SEM1: variants seen among roughly 807,000 people sequenced by gnomAD.
SEM1 encodes SEM1 26S proteasome subunit.
Under a neutral mutation model 12.7 loss-of-function variants are expected in SEM1, and 3 were observed. The ratio of observed to expected loss-of-function variants is 0.24; its 90% CI spans 0.11 to 0.61. The LOEUF (loss-of-function observed/expected upper bound fraction) is 0.61, where lower values mean the gene tolerates loss of function less well. SEM1 is among the 20% of genes least tolerant of loss of function. The pLI, the probability that SEM1 is intolerant of heterozygous loss-of-function variation, is 0.88. For missense variants in SEM1, 59 were observed against 81.3 expected (o/e 0.73, Z 1.06); for synonymous variants, 30 against 27.8 (o/e 1.08, Z -0.25).
chr7:96,552,070 G>C lies in SEM1; in HGVS notation c.171-45372C>G, dbSNP rs143425154. Among the ~76,000 whole-genome samples the C allele has an allele frequency of 5.5e-3, 844 of 152,298 alleles. 10 individuals carry two copies. The highest frequency in any genetic ancestry group is 0.019 in the African/African-American group (806 of 41,560). ...AGGAATGGTCCAGTGCCAGCACTCT[G>C]TCATGTTCGTCATTAGTGGGGAGTA... On this transcript the variant is annotated intron_variant and NMD_transcript_variant, in intron 2 of 3. Coordinates refer to the SEM1 transcript ENST00000466986.
At chr7:96,643,121 G>C (rs1457439329) in intron 2 of SEM1, among the ~76,000 whole-genome samples, 1 of 151,826 alleles carries the variant, frequency 6.6e-6, no homozygotes, top group Non-Finnish European at 1.5e-5. Flanking sequence ...ACCTCCAATA[G>C]GTCCCAGTGT....
intron 2 of SEM1, among the ~76,000 whole-genome samples, chr7:96,608,005 T>C (rs1807436617): frequency 6.6e-6 from 1 of 152,166 alleles, no homozygotes. Flanking sequence ...GGTGTACTTA[T>C]AAAAGTATTG....
At chr7:96,650,543 A>G (rs752713252) in intron 2 of SEM1, 1 of 743,922 alleles carries the variant, frequency 1.3e-6, no homozygotes, top group Admixed American at 1.8e-5. Flanking sequence ...GGAGAGAAAG[A>G]TAAGAAATTC....
At chr7:96,615,241 C>CTT (rs60940244) in intron 2 of SEM1, among the ~76,000 whole-genome samples, 23 of 126,400 alleles carry the variant, frequency 1.8e-4, no homozygotes, top group African/African-American at 7.3e-4. Flanking sequence ...TTTGAGTCAT[C>CTT]TTTTTTTTTT....
chr7:96,708,772 A>T (rs1275693975), intron 1 of SEM1, among the ~76,000 whole-genome samples: 1 of 152,208 alleles, frequency 6.6e-6, no homozygotes, highest in Non-Finnish European at 1.5e-5. Flanking sequence ...TCCGAGCTTC[A>T]GTTTATCTGA....
At chr7:96,609,998 G>T (rs1807492295) in intron 2 of SEM1, among the ~76,000 whole-genome samples, 1 of 152,092 alleles carries the variant, frequency 6.6e-6, no homozygotes, top group African/African-American at 2.4e-5. Context: ...ACCTGATCCA[G>T]GCTGGACCAG....
intron 2 of SEM1, among the ~76,000 whole-genome samples, chr7:96,573,609 C>T (rs926875641): frequency 6.6e-6 from 1 of 152,132 alleles, no homozygotes; most frequent in African/African-American, 2.4e-5. Flanking sequence ...TCTCTTCTAC[C>T]TTTTAGGGTT....
At chr7:96,505,329 C>T (rs774984012) in intron 3 of SEM1, among the ~76,000 whole-genome samples, 18 of 152,020 alleles carry the variant, frequency 1.2e-4, no homozygotes, top group Non-Finnish European at 2.6e-4. Context: ...ATCTTGAATT[C>T]CTGACCTCAG....
intron 2 of SEM1, among the ~76,000 whole-genome samples, chr7:96,613,190 C>T (rs1807596930): frequency 6.6e-6 from 1 of 152,114 alleles, no homozygotes; most frequent in Admixed American, 6.5e-5. Flanking sequence ...TTGTAGATAA[C>T]TGATAGCTAT....
intron 2 of SEM1, among the ~76,000 whole-genome samples, chr7:96,562,448 G>A (rs767780208): frequency 6.6e-5 from 10 of 152,256 alleles, no homozygotes; most frequent in Non-Finnish European, 1.2e-4. Flanking sequence ...GTTTAGCAGG[G>A]AGAGATAAAA....
At chr7:96,587,669 C>G (rs202038058) in intron 2 of SEM1, among the ~76,000 whole-genome samples, 9 of 150,788 alleles carry the variant, frequency 6.0e-5, no homozygotes, top group South Asian at 2.1e-4. Flanking sequence ...TTTTTTTCCC[C>G]AGGAAAATGG....
chr7:96,593,606 G>C (rs1193027760), intron 2 of SEM1, among the ~76,000 whole-genome samples: 6 of 152,096 alleles, frequency 3.9e-5, no homozygotes, highest in Admixed American at 3.9e-4. Flanking sequence ...AAGACCTCCA[G>C]AAAATGGGGC....
chr7:96,625,224 A>T (rs1189300536), intron 2 of SEM1, among the ~76,000 whole-genome samples: 1 of 152,162 alleles, frequency 6.6e-6, no homozygotes, highest in African/African-American at 2.4e-5. Context: ...GTGCCAGCGC[A>T]TCTACAAGCA....
At chr7:96,545,938 C>T (rs529129179) in intron 2 of SEM1, among the ~76,000 whole-genome samples, 5 of 152,192 alleles carry the variant, frequency 3.3e-5, no homozygotes, top group Admixed American at 3.3e-4. Flanking sequence ...AGATTCTCTT[C>T]CTCCTTCCTT....
chr7:96,517,219 T>C (rs1040973793), intron 2 of SEM1, among the ~76,000 whole-genome samples: 6 of 152,160 alleles, frequency 3.9e-5, no homozygotes, highest in Admixed American at 3.3e-4. Flanking sequence ...ATGTATACTA[T>C]GGACTTTGAG....
intron 2 of SEM1, among the ~76,000 whole-genome samples, chr7:96,551,541 T>TA (rs376935896): frequency 6.6e-6 from 1 of 151,232 alleles, no homozygotes; most frequent in Non-Finnish European, 1.5e-5. Context: ...CTATCTCTAC[T>TA]AAAAAATACA....
chr7:96,558,094 C>T, intron 2 of SEM1: 1 of 153,708 alleles, frequency 6.5e-6, no homozygotes, highest in Non-Finnish European at 1.4e-5. Flanking sequence ...GTCTGGCACT[C>T]CCTAGTGAGA....
intron 2 of SEM1, chr7:96,650,472 C>T (rs1808940224): frequency 6.6e-6 from 5 of 753,672 alleles, no homozygotes; most frequent in Admixed American, 5.2e-5. Context: ...CAAGCCACTG[C>T]AGGAGACACA....
intron 2 of SEM1, among the ~76,000 whole-genome samples, chr7:96,529,282 T>C (rs1282048948): frequency 6.6e-6 from 1 of 152,138 alleles, no homozygotes; most frequent in African/African-American, 2.4e-5. Context: ...AAAATGTTAA[T>C]TTATAAAGTA....
Sources: allele counts gnomAD v4.1 joint callset (sites outside exome capture counted in the v4.1 genomes callset), GRCh38; gene constraint gnomAD v4.1.1; transcripts MANE v1.5; gene names NCBI Gene and HGNC (gene_info 2026-07-23, HGNC 2026-07-21).